The following POLR3G variants were observed in gnomAD, a reference collection of about 807,000 sequenced individuals.
POLR3G encodes RNA polymerase III subunit G.
A neutral mutation model predicts 30.1 loss-of-function variants in POLR3G; 28 were observed. The observed-to-expected ratio is 0.93, with a 90% CI of 0.69 to 1.27. The LOEUF is 1.27. POLR3G is among the 50% of genes most tolerant of loss of function. The probability of loss-of-function intolerance (pLI) is 0.00; values close to 1 mark genes in which losing one functional copy is unlikely to be tolerated. For missense variants in POLR3G, 254 were observed against 264.6 expected (o/e 0.96, Z 0.28); for synonymous variants, 79 against 82.5 (o/e 0.96, Z 0.23).
intron 1 of POLR3G, among the ~76,000 whole-genome samples, chr5:90,478,609 C>CCTAGGCTG (rs1222154987): frequency 8.9e-6 from 1 of 112,466 alleles, no homozygotes; most frequent in Non-Finnish European, 1.8e-5. Context: ...CACTCTGTCG[C>CCTAGGCTG]CTAGGCTGGA....
At chr5:90,479,688 C>T (rs1277324862) in intron 1 of POLR3G, among the ~76,000 whole-genome samples, 1 of 151,738 alleles carries the variant, frequency 6.6e-6, no homozygotes, top group African/African-American at 2.4e-5. Context: ...TGCTGAGGGA[C>T]TTAAACTGGC....
At chr5:90,491,671 C>T (rs1320154692) in intron 3 of POLR3G, among the ~76,000 whole-genome samples, 1 of 151,840 alleles carries the variant, frequency 6.6e-6, no homozygotes, top group Non-Finnish European at 1.5e-5. Context: ...CCATATCAGC[C>T]CATTGGACCC....
At chr5:90,497,619 G>C in intron 4 of POLR3G, 37 bp from the exon 5 acceptor site, 2 of 1,571,776 alleles carry the variant, frequency 1.3e-6, no homozygotes, top group Non-Finnish European at 8.6e-7. Flanking sequence ...AATTCCTAGA[G>C]GAAACTGCAA....
chr5:90,493,964 GC>G (rs1751864844), intron 3 of POLR3G, among the ~76,000 whole-genome samples: 1 of 151,896 alleles, frequency 6.6e-6, no homozygotes, highest in East Asian at 1.9e-4. Flanking sequence ...ACCTGCCCCA[GC>G]CTCTCAAAGT....
At chr5:90,497,246 A>C (rs994738035) in intron 4 of POLR3G, among the ~76,000 whole-genome samples, 1 of 151,874 alleles carries the variant, frequency 6.6e-6, no homozygotes, top group African/African-American at 2.4e-5. Context: ...TTATGGTAAC[A>C]TCCTTTTGAA....
intron 6 of POLR3G, among the ~76,000 whole-genome samples, chr5:90,505,683 C>T (rs1056271576): frequency 1.3e-5 from 2 of 151,844 alleles, no homozygotes; most frequent in African/African-American, 4.8e-5. Context: ...TATTAAGAAA[C>T]AAGAATTCCT....
intron 3 of POLR3G, among the ~76,000 whole-genome samples, chr5:90,489,593 A>T (rs1236394383): frequency 6.6e-6 from 1 of 152,046 alleles, no homozygotes; most frequent in Non-Finnish European, 1.5e-5. Context: ...AACTCTCATG[A>T]TGATGTTGCA....
chr5:90,491,881 A>T (rs555444066), intron 3 of POLR3G, among the ~76,000 whole-genome samples: 121 of 152,308 alleles, frequency 7.9e-4, no homozygotes, highest in Non-Finnish European at 1.3e-3. Context: ...TATCACTATT[A>T]TGTCATCATA....
chr5:90,476,114 G>T (rs1750801632), intron 1 of POLR3G, among the ~76,000 whole-genome samples: 1 of 152,194 alleles, frequency 6.6e-6, no homozygotes, highest in Non-Finnish European at 1.5e-5. Context: ...CATTACAAAA[G>T]AATTATGATA....
intron 1 of POLR3G, among the ~76,000 whole-genome samples, chr5:90,484,766 T>G (rs1242239462): frequency 6.6e-6 from 1 of 152,170 alleles, no homozygotes; most frequent in Non-Finnish European, 1.5e-5. Flanking sequence ...GGCTCAGTAT[T>G]ATCAGCAGGG....
At chr5:90,499,689 C>G (rs551976969) in intron 5 of POLR3G, among the ~76,000 whole-genome samples, 1 of 152,066 alleles carries the variant, frequency 6.6e-6, no homozygotes, top group Non-Finnish European at 1.5e-5. Context: ...TCCTATTCCC[C>G]GTTTTAACAC....
At chr5:90,497,143 T>C (rs1752033608) in intron 4 of POLR3G, among the ~76,000 whole-genome samples, 1 of 152,178 alleles carries the variant, frequency 6.6e-6, no homozygotes, top group Non-Finnish European at 1.5e-5. Flanking sequence ...AAATTATTTA[T>C]TGGAGGAGAT....
At chr5:90,486,906 C>G (rs1031200755) in intron 2 of POLR3G, among the ~76,000 whole-genome samples, 6 of 152,094 alleles carry the variant, frequency 3.9e-5, no homozygotes, top group Non-Finnish European at 8.8e-5. Flanking sequence ...GTTGAGTACT[C>G]AATAAGTAGT....
At chr5:90,479,343 G>A (rs1296893495) in intron 1 of POLR3G, among the ~76,000 whole-genome samples, 1 of 152,054 alleles carries the variant, frequency 6.6e-6, no homozygotes, top group African/African-American at 2.4e-5. Context: ...CTTGGTGGCA[G>A]GCACCAGTAA....
intron 3 of POLR3G, among the ~76,000 whole-genome samples, chr5:90,489,327 A>G (rs7712128): frequency 0.44 from 66,236 of 149,194 alleles, 14,783 homozygotes; most frequent in Middle Eastern, 0.49. Context: ...GTGTAGTGGT[A>G]CAATCTCGGC....
chr5:90,491,843 T>G (rs1751741204), intron 3 of POLR3G, among the ~76,000 whole-genome samples: 1 of 152,208 alleles, frequency 6.6e-6, no homozygotes, highest in African/African-American at 2.4e-5. Context: ...GGGAGAATGA[T>G]GAAATTGACT....
chr5:90,502,091 A>T, intron 6 of POLR3G, 103 bp downstream of exon 6: 1 of 1,493,884 alleles, frequency 6.7e-7, no homozygotes, highest in Non-Finnish European at 8.9e-7. Context: ...CTTTTTAATA[A>T]TGTAAATTTG....
intron 1 of POLR3G, among the ~76,000 whole-genome samples, chr5:90,476,905 C>T (rs969230392): frequency 1.3e-5 from 2 of 152,172 alleles, no homozygotes; most frequent in African/African-American, 4.8e-5. Flanking sequence ...CATTTCCTGA[C>T]ATTTCCTATA....
chr5:90,485,502 C>T, intron 1 of POLR3G, 23 bp from the exon 2 acceptor site: 1 of 1,075,106 alleles, frequency 9.3e-7, no homozygotes, highest in African/African-American at 1.6e-5. Flanking sequence ...ATATGTGATC[C>T]AGTAAATCGT....
Sources: gnomAD v4.1 joint callset for allele counts (sites outside exome capture counted in the v4.1 genomes callset) on GRCh38, gnomAD v4.1.1 for gene constraint, MANE v1.5 for transcripts, NCBI Gene and HGNC (gene_info 2026-07-23, HGNC 2026-07-21) for gene names.